Variants in ASTN2 observed in about 807,000 individuals in gnomAD.
ASTN2 encodes astrotactin 2, also known as astrotactin-2.
Under a neutral mutation model 139.8 loss-of-function variants are expected in ASTN2, and 54 were observed. The observed-to-expected ratio is 0.39, with a 90% CI of 0.31 to 0.48. The LOEUF (loss-of-function observed/expected upper bound fraction) is 0.48. Ranked by LOEUF, ASTN2 falls within the 20% of genes least tolerant of loss-of-function variation. The pLI is 0.95. For missense variants in ASTN2, 1,565 were observed against 1,725.1 expected (o/e 0.91, Z 1.64); for synonymous variants, 756 against 719.5 (o/e 1.05, Z -0.81).
At chr9:116,765,206 C>A (rs1039167582) in intron 13 of ASTN2, among the ~76,000 whole-genome samples, 1 of 152,106 alleles carries the variant, frequency 6.6e-6, no homozygotes, top group Non-Finnish European at 1.5e-5. Flanking sequence ...GCCTAATGAA[C>A]CTTTCCTTGC....
At chr9:117,092,205 G>A (rs1047539884) in intron 5 of ASTN2, among the ~76,000 whole-genome samples, 2 of 152,178 alleles carry the variant, frequency 1.3e-5, no homozygotes, top group Non-Finnish European at 2.9e-5. Context: ...TTTAGCTGCT[G>A]TTTATTGTGT....
rs559230736 is a variant in ASTN2, at chr9:117,086,384, C to T, written c.1276+9660G>A. Among the ~76,000 whole-genome samples, 3 of 152,214 alleles carry T rather than the reference C, an allele frequency of 2.0e-5. No homozygotes were observed. The South Asian group carries it at 6.2e-4, about 32-fold the overall frequency. ...GGTCATGAAATCGAGACCATCCTGG[C>T]TAACATGGTGAAACCCCATCTCTAC... On this transcript the variant is annotated intron_variant, in intron 5 of 22. Coordinates refer to ENST00000313400, the MANE Select transcript of ASTN2 (RefSeq NM_001365068.1).
At chr9:116,727,443 T>C (rs1234736043) in intron 15 of ASTN2, among the ~76,000 whole-genome samples, 2 of 152,204 alleles carry the variant, frequency 1.3e-5, no homozygotes, top group South Asian at 2.1e-4. Flanking sequence ...AGCATCATTA[T>C]TGATTAATTA....
chr9:117,085,411 A>G (rs1327382022), intron 5 of ASTN2, among the ~76,000 whole-genome samples: 1 of 152,144 alleles, frequency 6.6e-6, no homozygotes, highest in African/African-American at 2.4e-5. Flanking sequence ...TCTTTCTCCT[A>G]TGGCTGATTA....
intron 5 of ASTN2, among the ~76,000 whole-genome samples, chr9:117,094,134 C>G (rs538896347): frequency 0.033 from 450 of 13,540 alleles, 4 homozygotes; most frequent in Middle Eastern, 0.12. Flanking sequence ...GAGGGAGGGA[C>G]TAAGGGAGGG....
intron 10 of ASTN2, among the ~76,000 whole-genome samples, chr9:116,921,463 C>T (rs142691195): frequency 0.017 from 2,627 of 151,962 alleles, 75 homozygotes; most frequent in African/African-American, 0.06. Context: ...TGGAGGTCGC[C>T]TGTAGTCCCA....
intron 11 of ASTN2, among the ~76,000 whole-genome samples, chr9:116,827,316 A>C (rs1267756062): frequency 0.12 from 1,418 of 12,256 alleles, 5 homozygotes; most frequent in East Asian, 0.21. Flanking sequence ...TCCCCCCCAA[A>C]AAAAAAAAAA....
At chr9:117,030,601 T>C (rs1172037256) in intron 6 of ASTN2, among the ~76,000 whole-genome samples, 1 of 152,154 alleles carries the variant, frequency 6.6e-6, no homozygotes, top group Non-Finnish European at 1.5e-5. Context: ...AGCTTGAACA[T>C]GTTCAGCTGC....
At chr9:116,850,352 T>C (rs1188661363) in intron 11 of ASTN2, among the ~76,000 whole-genome samples, 1 of 152,218 alleles carries the variant, frequency 6.6e-6, no homozygotes, top group African/African-American at 2.4e-5. Flanking sequence ...GTTGTACATA[T>C]GAGAACACAG....
chr9:116,523,319 T>C (rs73522500), intron 19 of ASTN2, among the ~76,000 whole-genome samples: 1,853 of 152,082 alleles, frequency 0.012, 33 homozygotes, highest in African/African-American at 0.043. Context: ...CTGGAGATGA[T>C]TTAAACATTT....
chr9:117,414,904 G>C lies in ASTN2; in HGVS notation c.35C>G (p.Pro12Arg). ...CGGCCGCCCCCGGAGCCCCGAGCCGGGGCCGGGGCTGAGCCGGGCGCCGGC... is the reference window on the plus strand; with the variant it reads ...CGGCCGCCCCCGGAGCCCCGAGCCGCGGCCGGGGCTGAGCCGGGCGCCGGC... ...AAAGARLSPGPGSGLRGRPRL... is the reference protein window; with the variant it reads ...AAAGARLSPGRGSGLRGRPRL... The change falls in exon 1 of 23, where the codon CCC becomes CGC. Residue 12 changes from proline (P) to arginine (R), a missense_variant. By Grantham distance (103) the Pro-to-Arg change is moderately radical. Around this residue, in one of 4 missense-constraint regions of ASTN2, gnomAD observed 596 missense variants for 576.8 expected, o/e 1.03. Coordinates refer to ENST00000313400, the MANE Select transcript of ASTN2 (RefSeq NM_001365068.1). This position sits in a 1 kb window ranked among gnomAD's most constrained non-coding sequence, Gnocchi z 4.2. 3.0e-6 allele frequency: 2 copies of C among 675,652 alleles called. No individual in the cohort carries two copies. The highest frequency in any genetic ancestry group is 3.9e-6 in the Non-Finnish European group (2 of 517,468). The allele number at this position is 675,652 out of a possible 1,614,324, so 41.9% of individuals were successfully genotyped here.
At chr9:117,407,451 G>A (rs1217963898) in intron 1 of ASTN2, among the ~76,000 whole-genome samples, 1 of 152,174 alleles carries the variant, frequency 6.6e-6, no homozygotes, top group Non-Finnish European at 1.5e-5. Flanking sequence ...GAAGTGTTGA[G>A]GCCTGACCTT....
At chr9:117,041,758 C>A (rs1838579039) in intron 5 of ASTN2, among the ~76,000 whole-genome samples, 1 of 152,162 alleles carries the variant, frequency 6.6e-6, no homozygotes, top group African/African-American at 2.4e-5. Flanking sequence ...ACTAGCAGGG[C>A]TGAATTACTG....
At chr9:116,605,732 G>A (rs1425020709) in intron 19 of ASTN2, among the ~76,000 whole-genome samples, 1 of 152,140 alleles carries the variant, frequency 6.6e-6, no homozygotes, top group Non-Finnish European at 1.5e-5. Flanking sequence ...TGCTGTCAGT[G>A]GCTAGATACT....
intron 3 of ASTN2, among the ~76,000 whole-genome samples, chr9:117,207,329 G>A (rs944636890): frequency 6.6e-6 from 1 of 152,074 alleles, no homozygotes; most frequent in African/African-American, 2.4e-5. Flanking sequence ...TTATATCGTG[G>A]GCCTGACAAA....
chr9:116,762,907 C>A (rs755879486), intron 13 of ASTN2, among the ~76,000 whole-genome samples: 3 of 152,186 alleles, frequency 2.0e-5, no homozygotes, highest in Non-Finnish European at 4.4e-5. Context: ...TTGTTGCAAC[C>A]CTATGACATT....
intron 17 of ASTN2, among the ~76,000 whole-genome samples, chr9:116,626,999 A>G (rs1421701062): frequency 6.6e-6 from 1 of 152,250 alleles, no homozygotes; most frequent in African/African-American, 2.4e-5. Context: ...CATAGGAGAT[A>G]GGGCACAGGG....
At chr9:117,119,434 T>C (rs1323674866) in intron 4 of ASTN2, among the ~76,000 whole-genome samples, 4 of 152,178 alleles carry the variant, frequency 2.6e-5, no homozygotes, top group Non-Finnish European at 5.9e-5. Context: ...CCCTATCATG[T>C]GTGTTGAGGA....
At chr9:117,174,761 G>T (rs1463830901) in intron 3 of ASTN2, among the ~76,000 whole-genome samples, 1 of 151,998 alleles carries the variant, frequency 6.6e-6, no homozygotes, top group Non-Finnish European at 1.5e-5. Context: ...CTTGAAAAAT[G>T]ATTAGTATAT....
Sources: allele counts gnomAD v4.1 joint callset (sites outside exome capture counted in the v4.1 genomes callset), GRCh38; gene constraint gnomAD v4.1.1; regional missense constraint gnomAD v4.1.1; non-coding constraint Gnocchi (gnomAD v3.1); transcripts MANE v1.5; gene names NCBI Gene and HGNC (gene_info 2026-07-23, HGNC 2026-07-21).